The following ADAMTSL1 variants were observed in gnomAD, a reference collection of about 807,000 sequenced individuals.
The protein encoded by ADAMTSL1 is ADAMTS-like protein 1.
In ADAMTSL1, 126 loss-of-function variants were observed where a neutral mutation model predicts 201.8. That is an observed-to-expected ratio of 0.62 (90% CI 0.54 to 0.72). The LOEUF (loss-of-function observed/expected upper bound fraction) is 0.72. Among genes scored for constraint, ADAMTSL1 ranks in the 30% least tolerant of loss-of-function variants. The pLI is 0.00. For missense variants in ADAMTSL1, 2,679 were observed against 2,277.8 expected, an observed-to-expected ratio of 1.18 and a Z score of -3.59; for synonymous variants, 1,121 against 903.4, an observed-to-expected ratio of 1.24 and a Z score of -4.32.
At chr9:18,657,953 G>A (rs1316008734) in intron 8 of ADAMTSL1, among the ~76,000 whole-genome samples, 5 of 150,126 alleles carry the variant, frequency 3.3e-5, no homozygotes, top group Non-Finnish European at 1.5e-5. Context: ...TGTCTGTAAA[G>A]TCCCATTAGA....
chr9:17,965,480 C>G (rs937817172), intron 1 of ADAMTSL1, among the ~76,000 whole-genome samples: 4 of 152,102 alleles, frequency 2.6e-5, no homozygotes, highest in African/African-American at 9.7e-5. Flanking sequence ...TAATTACTAA[C>G]TGATGTGCTA....
chr9:18,595,010 G>A (rs1469620845), intron 4 of ADAMTSL1, among the ~76,000 whole-genome samples: 1 of 152,184 alleles, frequency 6.6e-6, no homozygotes, highest in African/African-American at 2.4e-5. Flanking sequence ...GTCATTCACA[G>A]GTGAAGATGT....
At chr9:18,306,960 C>A (rs1833932610) in intron 2 of ADAMTSL1, among the ~76,000 whole-genome samples, 1 of 152,132 alleles carries the variant, frequency 6.6e-6, no homozygotes, top group African/African-American at 2.4e-5. Context: ...TTGGGTTACC[C>A]ACAAAGGGAA....
chr9:18,568,884 A>G (rs35159088), intron 3 of ADAMTSL1, among the ~76,000 whole-genome samples: 44,644 of 151,976 alleles, frequency 0.29, 6,925 homozygotes, highest in Admixed American at 0.37. Flanking sequence ...AAATTAATAG[A>G]ATAGGACTAC....
At chr9:18,203,291 C>A (rs746104263) in intron 2 of ADAMTSL1, among the ~76,000 whole-genome samples, 1 of 151,952 alleles carries the variant, frequency 6.6e-6, no homozygotes, top group Non-Finnish European at 1.5e-5. Context: ...ACGCTTCTGC[C>A]CAGACATGAG....
At chr9:18,136,783 G>A (rs1587134078) in intron 1 of ADAMTSL1, among the ~76,000 whole-genome samples, 1 of 152,254 alleles carries the variant, frequency 6.6e-6, no homozygotes, top group East Asian at 1.9e-4. Flanking sequence ...ACTGTGGCAA[G>A]GAGTAAGACC....
In ADAMTSL1 at chr9:18,882,708, A is replaced by C. The variant is rs913799760; in HGVS notation, c.4250-5123A>C. 3.9e-5 allele frequency among the ~76,000 whole-genome samples: 6 copies of C among 152,124 alleles called. No homozygotes were observed. The East Asian group carries it at 1.2e-3, about 29-fold the overall frequency. On this transcript the variant is annotated intron_variant, in intron 23 of 28. Transcript: ENST00000380548. ...TCCTGAGTACCTTGAATAAGGTGAT[A>C]CAGGGCCAGGCAAGGTGGCTCACAC...
intron 1 of ADAMTSL1, among the ~76,000 whole-genome samples, chr9:17,940,712 C>CAAAAAAAAA (rs60466124): frequency 3.3e-4 from 29 of 88,552 alleles, no homozygotes; most frequent in African/African-American, 8.0e-4. Flanking sequence ...GCATAACGTG[C>CAAAAAAAAA]AAAAAAAAAA....
intron 3 of ADAMTSL1, among the ~76,000 whole-genome samples, chr9:18,551,985 T>C (rs1313546247): frequency 2.6e-5 from 4 of 151,866 alleles, no homozygotes; most frequent in African/African-American, 7.2e-5. Flanking sequence ...TTCTTCTTTG[T>C]TAAGAAAGAA....
At chr9:18,498,985 C>T (rs1563998854) in intron 1 of ADAMTSL1, among the ~76,000 whole-genome samples, 1 of 152,254 alleles carries the variant, frequency 6.6e-6, no homozygotes, top group Non-Finnish European at 1.5e-5. Flanking sequence ...CAAAAGCGCA[C>T]TGGAATGTGT....
intron 19 of ADAMTSL1, among the ~76,000 whole-genome samples, chr9:18,783,592 C>G (rs985061393): frequency 1.3e-5 from 2 of 152,116 alleles, no homozygotes; most frequent in Non-Finnish European, 2.9e-5. Flanking sequence ...GCTTTAACAT[C>G]TTTTAAAGGA....
chr9:18,363,813 G>C (rs1836637208), intron 2 of ADAMTSL1, among the ~76,000 whole-genome samples: 1 of 152,074 alleles, frequency 6.6e-6, no homozygotes, highest in Non-Finnish European at 1.5e-5. Flanking sequence ...AAATGAGAGA[G>C]GGAAATTAAA....
At chr9:18,804,191 C>G (rs1191059372) in intron 20 of ADAMTSL1, among the ~76,000 whole-genome samples, 2 of 152,104 alleles carry the variant, frequency 1.3e-5, no homozygotes, top group Non-Finnish European at 2.9e-5. Flanking sequence ...CTCCCTTTAC[C>G]TGAAATTCTG....
intron 2 of ADAMTSL1, among the ~76,000 whole-genome samples, chr9:18,426,162 G>A (rs1328540486): frequency 1.3e-5 from 2 of 150,916 alleles, no homozygotes; most frequent in Admixed American, 6.6e-5. Flanking sequence ...CTAATTTGGG[G>A]CACTACTTGG....
rs187167327 is a variant in ADAMTSL1 at position 18,313,957 on chromosome 9, T to C, written c.207+149976T>C. 3.9e-5 allele frequency among the ~76,000 whole-genome samples: 6 copies of C among 152,126 alleles called. No individual in the cohort carries two copies. In the East Asian group the frequency reaches 1.2e-3, roughly 29 times the overall value. On this transcript the variant is annotated intron_variant, in intron 2 of 29. Transcript: ENST00000680146. ...TGATAAGGGGTTAATATACAAAACA[T>C]ATAAGGAACTCAAACAACTTAGTAG...
chr9:18,719,652 C>A (rs1392865255), intron 14 of ADAMTSL1, among the ~76,000 whole-genome samples: 1 of 152,206 alleles, frequency 6.6e-6, no homozygotes, highest in Non-Finnish European at 1.5e-5. Flanking sequence ...GCATGAGCCA[C>A]TGTGCCTGGC....
intron 28 of ADAMTSL1, 41 bp downstream of exon 28, chr9:18,906,953 A>G: frequency 6.2e-7 from 1 of 1,607,954 alleles, no homozygotes; most frequent in East Asian, 2.2e-5. Context: ...AATTCCCCAT[A>G]GAGCATCGAG....
intron 14 of ADAMTSL1, chr9:18,718,590 A>C: frequency 4.9e-6 from 2 of 406,832 alleles, no homozygotes; most frequent in Non-Finnish European, 4.9e-6. Context: ...AGCCAGTGTC[A>C]CTCCCTCCGG....
intron 1 of ADAMTSL1, among the ~76,000 whole-genome samples, chr9:18,135,574 C>A (rs971956766): frequency 1.7e-4 from 26 of 152,028 alleles, no homozygotes; most frequent in African/African-American, 6.0e-4. Flanking sequence ...GATGGGAGAA[C>A]TGCTGAGCCC....
Sources: allele counts gnomAD v4.1 joint callset (sites outside exome capture counted in the v4.1 genomes callset), GRCh38; gene constraint gnomAD v4.1.1; transcripts MANE v1.5; gene names NCBI Gene and HGNC (gene_info 2026-07-23, HGNC 2026-07-21).